CFAP92: variants seen among roughly 807,000 people sequenced by gnomAD.
CFAP92 encodes the protein uncharacterized protein CFAP92.
A neutral mutation model predicts 106.3 loss-of-function variants in CFAP92; 86 were observed. The ratio of observed to expected loss-of-function variants is 0.81; its 90% confidence interval spans 0.68 to 0.97. The LOEUF is 0.97. Ranked by LOEUF, CFAP92 falls within the 50% of genes least tolerant of loss-of-function variation. The pLI is 0.00. For missense variants in CFAP92, 1,204 were observed against 1,283.8 expected (o/e 0.94, Z 0.95); for synonymous variants, 477 against 506.4 (o/e 0.94, Z 0.78).
chr3:128,940,035 G>A (rs1454055268), intron 10 of CFAP92, among the ~76,000 whole-genome samples: 1 of 152,116 alleles, frequency 6.6e-6, no homozygotes, highest in Non-Finnish European at 1.5e-5. Context: ...TGGACATTCC[G>A]CATAAATTGA....
At chr3:128,934,409 G>A (rs1159831686) in intron 11 of CFAP92, among the ~76,000 whole-genome samples, 2 of 152,086 alleles carry the variant, frequency 1.3e-5, no homozygotes, top group African/African-American at 2.4e-5. Context: ...AGTAGAGATG[G>A]GGTTTCTCCA....
At chr3:128,996,132 T>C (rs185524077), upstream of CFAP92, among the ~76,000 whole-genome samples, 3 of 152,172 alleles carry the variant, frequency 2.0e-5, no homozygotes, top group Non-Finnish European at 4.4e-5. Context: ...CAAGCAGCCA[T>C]GTGAAATGGC....
upstream of CFAP92, chr3:129,003,732 C>A: frequency 1.6e-6 from 2 of 1,280,682 alleles, no homozygotes; most frequent in South Asian, 1.9e-5. Flanking sequence ...TCGTGGCGGG[C>A]GTTCGTCTGG....
chr3:128,912,592 G>A lies in CFAP92; in HGVS notation c.3281-2259C>T, dbSNP rs1440121223. The A allele has an allele frequency of 1.9e-6, 3 of 1,614,000 alleles. No individual in the cohort carries two copies. Among genetic ancestry groups the A allele is most frequent in the African/African-American group, 2.7e-5 (2 of 74,922 alleles). On this transcript the variant is annotated intron_variant, in intron 15 of 15. Transcript: ENST00000645291. ...GAGCCTATATCTGTGCCCACCCTCT[G>A]GACAGGACATGCTGAGGCAGGGGAC...
At chr3:128,912,786 G>C (rs1048137024) in intron 15 of CFAP92, 1 of 742,320 alleles carries the variant, frequency 1.3e-6, no homozygotes, top group Middle Eastern at 2.3e-4. Context: ...TGACCTGCAG[G>C]CAGTGCTCTC....
Position 128,993,116 on chromosome 3 carries a change from G to C in CFAP92, c.189C>G (p.Ser63Arg). 1 of 1,614,112 alleles carries C rather than the reference G, an allele frequency of 6.2e-7. No individual in the cohort carries two copies. Among genetic ancestry groups the C allele is most frequent in the Non-Finnish European group, 8.5e-7 (1 of 1,179,916 alleles). Residue 63 changes from serine to arginine, a missense_variant, in exon 2 of 16, where the codon AGC becomes AGG. Transcript: ENST00000645291. ...CGTGGGGCACGTCGGAGCTGAAAGT[G>C]CTGGCAGGCTCAGATGAGGACTCGA... ...SSIESSSEPASTFSSDVPHVV... is the reference protein window; with the variant it reads ...SSIESSSEPARTFSSDVPHVV...
intron 4 of CFAP92, 104 bp from the exon 5 acceptor site, chr3:128,978,289 G>T: frequency 1.7e-6 from 2 of 1,168,794 alleles, no homozygotes; most frequent in Non-Finnish European, 1.2e-6. Context: ...TTCGGTTTCA[G>T]ACTACACTAA....
intron 10 of CFAP92, among the ~76,000 whole-genome samples, chr3:128,935,654 G>A (rs1938927274): frequency 6.6e-6 from 1 of 152,140 alleles, no homozygotes; most frequent in Non-Finnish European, 1.5e-5. Flanking sequence ...GGAGGTTGTG[G>A]TGAGCCAAGA....
the CFAP92 span, among the ~76,000 whole-genome samples, chr3:129,026,232 A>AGGT: frequency 1.4e-3 from 210 of 152,314 alleles, 1 homozygote; most frequent in African/African-American, 4.5e-3. Context: ...AAGTGCTAGG[A>AGGT]GGTGGAGTGT....
chr3:128,992,578 TA>T (rs1262420104), intron 2 of CFAP92, among the ~76,000 whole-genome samples: 2 of 150,404 alleles, frequency 1.3e-5, no homozygotes, highest in Non-Finnish European at 1.5e-5. Flanking sequence ...AAAGAATTAT[TA>T]TTTTTTTTTT....
chr3:128,946,079 T>C, intron 9 of CFAP92, 104 bp from the exon 10 acceptor site: 1 of 784,508 alleles, frequency 1.3e-6, no homozygotes, highest in Non-Finnish European at 1.9e-6. Context: ...TGCCTGTCCC[T>C]GTAGCCCAAG....
At chr3:128,981,431 A>G (rs1462064679) in intron 4 of CFAP92, among the ~76,000 whole-genome samples, 1 of 150,734 alleles carries the variant, frequency 6.6e-6, no homozygotes, top group Non-Finnish European at 1.5e-5. Context: ...CCCAGGTTCA[A>G]GCAATTCTCT....
intron 9 of CFAP92, among the ~76,000 whole-genome samples, chr3:128,947,286 G>A (rs1680777): frequency 0.25 from 37,723 of 151,756 alleles, 5,086 homozygotes; most frequent in East Asian, 0.61. Flanking sequence ...TAGATTGGAA[G>A]ACAATATAGC....
chr3:129,024,702 T>G, the CFAP92 span, among the ~76,000 whole-genome samples: 1 of 151,948 alleles, frequency 6.6e-6, no homozygotes, highest in Non-Finnish European at 1.5e-5. Flanking sequence ...CATTCCTGTA[T>G]CTGGAGCCCA....
chr3:128,993,140 G>A lies in CFAP92; in HGVS notation c.165C>T (p.Ile55=), dbSNP rs1444181713. The A allele has an allele frequency of 6.2e-6, 10 of 1,613,964 alleles. No individual in the cohort carries two copies. The highest frequency in any genetic ancestry group is 1.7e-5 in the Admixed American group (1 of 60,012). ...ESDSDRPCSS[I]ESSSEPASTF... ...TGCTGGCAGGCTCAGATGAGGACTC[G>A]ATGCTGCTGCACGGGCGGTCAGAGT... The change falls in exon 2 of 16, where the codon ATC becomes ATT. Residue 55 remains isoleucine, a synonymous_variant. Transcript: ENST00000645291.
At chr3:129,025,192 G>A in the CFAP92 span, among the ~76,000 whole-genome samples, 5 of 152,148 alleles carry the variant, frequency 3.3e-5, no homozygotes, top group South Asian at 2.1e-4. Context: ...TCATGGGCAC[G>A]CAAAGCCATG....
intron 9 of CFAP92, among the ~76,000 whole-genome samples, chr3:128,953,414 CTGAGGGAGGAGAA>C (rs1226064416): frequency 2.0e-5 from 3 of 151,830 alleles, no homozygotes; most frequent in African/African-American, 7.3e-5. Flanking sequence ...ACTCAGGAGG[CTGAGGGAGGAGAA>C]TGGCATGAAC....
intron 1 of CFAP92, chr3:129,002,012 G>A (rs1465041365): frequency 6.5e-7 from 1 of 1,545,642 alleles, no homozygotes; most frequent in East Asian, 2.5e-5. Flanking sequence ...CCGATGAAGA[G>A]GCGCGCCTGG....
chr3:128,993,850 C>T, intron 1 of CFAP92, 130 bp downstream of exon 1: 6 of 655,168 alleles, frequency 9.2e-6, no homozygotes, highest in Non-Finnish European at 1.1e-5. Flanking sequence ...TCAGCTCAGG[C>T]CCATGGAGGC....
Sources: gnomAD v4.1 joint callset for allele counts (sites outside exome capture counted in the v4.1 genomes callset) on GRCh38, gnomAD v4.1.1 for gene constraint, MANE v1.5 for transcripts, NCBI Gene and HGNC (gene_info 2026-07-23, HGNC 2026-07-21) for gene names.